Variants in MPP7 observed in about 807,000 individuals in gnomAD.
MPP7 encodes the protein MAGUK p55 scaffold protein 7.
Under a neutral mutation model 76.5 loss-of-function variants are expected in MPP7, and 60 were observed. The observed-to-expected ratio is 0.78, with a 90% CI of 0.64 to 0.97. The LOEUF (loss-of-function observed/expected upper bound fraction) is 0.97, where lower values mean the gene tolerates loss of function less well. Ranked by LOEUF, MPP7 falls within the 50% of genes least tolerant of loss-of-function variation. MPP7 has a pLI of 0.00. For missense variants in MPP7, 641 were observed against 694.0 expected (o/e 0.92, Z 0.86); for synonymous variants, 237 against 244.5 (o/e 0.97, Z 0.29).
intron 1 of MPP7, among the ~76,000 whole-genome samples, chr10:28,240,308 GAATA>G (rs1450574920): frequency 6.6e-6 from 1 of 152,092 alleles, no homozygotes; most frequent in Non-Finnish European, 1.5e-5. Flanking sequence ...TCAAATTGCA[GAATA>G]AAGAGAAATG....
intron 6 of MPP7, among the ~76,000 whole-genome samples, chr10:28,129,684 T>C (rs1204507310): frequency 6.6e-6 from 1 of 152,150 alleles, no homozygotes; most frequent in Non-Finnish European, 1.5e-5. Flanking sequence ...AGATTGAGCC[T>C]TTGAAACAAG....
intron 3 of MPP7, among the ~76,000 whole-genome samples, chr10:28,194,495 A>T (rs1042478237): frequency 6.6e-6 from 1 of 152,234 alleles, no homozygotes; most frequent in Non-Finnish European, 1.5e-5. Context: ...GTTAATGGAG[A>T]AACAAACTAT....
At chr10:28,326,646 C>T (rs1834418619) in intron 2 of MPP7, among the ~76,000 whole-genome samples, 1 of 152,216 alleles carries the variant, frequency 6.6e-6, no homozygotes, top group South Asian at 2.1e-4. Flanking sequence ...ATTCTTTCCC[C>T]TAAGTCAGCC....
At chr10:28,119,601 A>G (rs1834765342) in intron 11 of MPP7, 50 bp downstream of exon 11, 2 of 1,516,856 alleles carry the variant, frequency 1.3e-6, no homozygotes, top group Non-Finnish European at 9.2e-7. Flanking sequence ...TTAATAGTCA[A>G]AAATAAACAT....
At chr10:28,057,344 G>C (rs1002691982) in intron 15 of MPP7, among the ~76,000 whole-genome samples, 2 of 152,170 alleles carry the variant, frequency 1.3e-5, no homozygotes, top group East Asian at 1.9e-4. Context: ...CTGGATCATA[G>C]GGGCATTTTC....
chr10:28,168,491 T>C (rs1227409412), intron 3 of MPP7, among the ~76,000 whole-genome samples: 1 of 152,122 alleles, frequency 6.6e-6, no homozygotes, highest in Non-Finnish European at 1.5e-5. Context: ...ATTTTTATGG[T>C]AAGTCGAAAG....
At chr10:28,110,357 T>C (rs1834468982) in intron 11 of MPP7, among the ~76,000 whole-genome samples, 1 of 152,232 alleles carries the variant, frequency 6.6e-6, no homozygotes, top group African/African-American at 2.4e-5. Context: ...CCCAAAGTGC[T>C]GGGATTACAG....
intron 1 of MPP7, among the ~76,000 whole-genome samples, chr10:28,292,576 T>C (rs1014139953): frequency 1.3e-5 from 2 of 152,136 alleles, no homozygotes; most frequent in East Asian, 3.8e-4. Flanking sequence ...TAGACTCCAC[T>C]CTCTAGAGAT....
At chr10:28,073,169 C>G (rs1391050644) in intron 12 of MPP7, among the ~76,000 whole-genome samples, 2 of 152,180 alleles carry the variant, frequency 1.3e-5, no homozygotes, top group Non-Finnish European at 2.9e-5. Flanking sequence ...CACCTGGGAG[C>G]CTCCTGGTCA....
At chr10:28,091,110 G>A (rs1032923217) in intron 11 of MPP7, among the ~76,000 whole-genome samples, 7 of 152,000 alleles carry the variant, frequency 4.6e-5, no homozygotes, top group African/African-American at 2.4e-5. Context: ...TCGCACCACC[G>A]TACTCTAGCC....
At chr10:28,092,080 A>G (rs1453790992) in intron 11 of MPP7, among the ~76,000 whole-genome samples, 1 of 152,206 alleles carries the variant, frequency 6.6e-6, no homozygotes, top group Non-Finnish European at 1.5e-5. Flanking sequence ...AATAAAGGAA[A>G]TGTGAAACAA....
chr10:28,289,312 A>T (rs1195173005), intron 1 of MPP7: 1 of 152,200 alleles, frequency 6.6e-6, no homozygotes, highest in African/African-American at 2.4e-5. Context: ...AAAAAAAAAA[A>T]AAGCTAACCA....
At chr10:28,153,438 C>A (rs546154365) in intron 3 of MPP7, among the ~76,000 whole-genome samples, 2 of 152,160 alleles carry the variant, frequency 1.3e-5, no homozygotes, top group East Asian at 3.9e-4. Context: ...AAAGTCAGGA[C>A]ACGCTAAAAT....
chr10:28,083,532 CTTTTTTTTTTTTT>C (rs5784040), intron 12 of MPP7, among the ~76,000 whole-genome samples: 1 of 81,730 alleles, frequency 1.2e-5, no homozygotes, highest in Non-Finnish European at 2.5e-5. Flanking sequence ...TTTTCTTCCT[CTTTTTTTTTTTTT>C]TTTTTTTTTG....
intron 3 of MPP7, among the ~76,000 whole-genome samples, chr10:28,153,956 C>T (rs1185354806): frequency 2.0e-5 from 3 of 152,118 alleles, no homozygotes; most frequent in East Asian, 1.9e-4. Flanking sequence ...TGCATGCATA[C>T]ACCTATCTAC....
At chr10:28,318,037 T>G (rs957312046) in intron 2 of MPP7, among the ~76,000 whole-genome samples, 1 of 152,218 alleles carries the variant, frequency 6.6e-6, no homozygotes, top group Non-Finnish European at 1.5e-5. Flanking sequence ...CATCGCCTAT[T>G]ATGAGCATGT....
intron 2 of MPP7, among the ~76,000 whole-genome samples, chr10:28,312,211 T>C (rs899356017): frequency 1.3e-5 from 2 of 152,190 alleles, no homozygotes; most frequent in Non-Finnish European, 2.9e-5. Flanking sequence ...CCCTCGCATG[T>C]TCTGTTTCTG....
chr10:28,091,498 G>A (rs1375734045), intron 11 of MPP7, among the ~76,000 whole-genome samples: 4 of 152,052 alleles, frequency 2.6e-5, no homozygotes, highest in Admixed American at 6.5e-5. Context: ...ACATTGGCCA[G>A]GCTCATCTCA....
At chr10:28,241,530 T>C (rs1018973697) in intron 1 of MPP7, among the ~76,000 whole-genome samples, 2 of 152,204 alleles carry the variant, frequency 1.3e-5, no homozygotes, top group African/African-American at 4.8e-5. Context: ...AATGATGTTA[T>C]TTTCTTTGGC....
Sources: allele counts gnomAD v4.1 joint callset (sites outside exome capture counted in the v4.1 genomes callset), GRCh38; gene constraint gnomAD v4.1.1; transcripts MANE v1.5; gene names NCBI Gene and HGNC (gene_info 2026-07-23, HGNC 2026-07-21).